NKAIN2: variants seen among roughly 807,000 people sequenced by gnomAD.
NKAIN2 encodes the protein sodium/potassium-transporting ATPase subunit beta-1-interacting protein 2.
NKAIN2 carries 14 observed loss-of-function variants against 32.6 expected under a neutral mutation model. The ratio of observed to expected loss-of-function variants is 0.43; its 90% CI spans 0.28 to 0.67. NKAIN2 has a LOEUF of 0.67. NKAIN2 is among the 30% of genes least tolerant of loss of function. The pLI is 0.17. For missense variants in NKAIN2, 198 were observed against 258.3 expected (o/e 0.77, Z 1.60); for synonymous variants, 80 against 87.2 (o/e 0.92, Z 0.46).
rs534487743 is a variant in NKAIN2 at position 124,156,463 on chromosome 6, A to C, written c.55-126542A>C. ...ACATCTGAAGCAGGAGGAGTCAGTC[A>C]TATAGCCATCTGGGGAAAGAGTGTG... On this transcript the variant is annotated intron_variant, in intron 1 of 6. Coordinates refer to ENST00000368417, the MANE Select transcript of NKAIN2 (RefSeq NM_001040214.3). Among the ~76,000 whole-genome samples, 8 of 152,218 alleles carry C rather than the reference A, an allele frequency of 5.3e-5. No individual in the cohort carries two copies. In the East Asian group the frequency reaches 1.6e-3, roughly 30 times the overall value.
intron 2 of NKAIN2, among the ~76,000 whole-genome samples, chr6:124,316,946 T>C (rs1449532525): frequency 6.6e-6 from 1 of 152,050 alleles, no homozygotes; most frequent in Non-Finnish European, 1.5e-5. Context: ...TTTTCTCTAT[T>C]GGTAGCTATG....
At chr6:124,094,913 A>G (rs1784587681) in intron 1 of NKAIN2, among the ~76,000 whole-genome samples, 2 of 152,154 alleles carry the variant, frequency 1.3e-5, no homozygotes, top group African/African-American at 4.8e-5. Context: ...TTCATTATAT[A>G]TAGCTAGAAT....
intron 1 of NKAIN2, among the ~76,000 whole-genome samples, chr6:124,058,164 G>A (rs1382452828): frequency 4.0e-5 from 6 of 149,364 alleles, no homozygotes; most frequent in African/African-American, 1.5e-4. Flanking sequence ...AGTGACTGTA[G>A]AAATTGAAAG....
At chr6:124,022,524 G>A (rs1037213967) in intron 1 of NKAIN2, among the ~76,000 whole-genome samples, 1 of 152,136 alleles carries the variant, frequency 6.6e-6, no homozygotes, top group African/African-American at 2.4e-5. Context: ...GTGTAAAAGT[G>A]TTCCTATTTC....
At chr6:124,342,349 C>G (rs1180559538) in intron 2 of NKAIN2, among the ~76,000 whole-genome samples, 1 of 148,344 alleles carries the variant, frequency 6.7e-6, no homozygotes, top group Admixed American at 6.7e-5. Flanking sequence ...GCAGAGCTTG[C>G]AGTGAGCCGA....
chr6:124,130,115 C>G (rs185427665), intron 1 of NKAIN2, among the ~76,000 whole-genome samples: 128 of 152,224 alleles, frequency 8.4e-4, no homozygotes, highest in Admixed American at 2.6e-3. Flanking sequence ...GCTTACCCCT[C>G]TAAAGTAGCT....
chr6:124,441,006 A>G (rs1366535764), intron 3 of NKAIN2, among the ~76,000 whole-genome samples: 1 of 152,084 alleles, frequency 6.6e-6, no homozygotes, highest in Non-Finnish European at 1.5e-5. Flanking sequence ...TCACCTGTAC[A>G]TTGTCATCCT....
chr6:124,607,427 G>T (rs968167659), intron 3 of NKAIN2, among the ~76,000 whole-genome samples: 2 of 152,022 alleles, frequency 1.3e-5, no homozygotes, highest in Non-Finnish European at 2.9e-5. Context: ...ACAGCTAGGT[G>T]TCTGCCTTAT....
intron 1 of NKAIN2, among the ~76,000 whole-genome samples, chr6:124,009,560 T>A (rs952314859): frequency 1.3e-5 from 2 of 152,172 alleles, no homozygotes; most frequent in African/African-American, 4.8e-5. Flanking sequence ...CATTGAGAGC[T>A]GCTGAGTGTT....
chr6:124,384,722 G>A (rs1326534963), intron 3 of NKAIN2, among the ~76,000 whole-genome samples: 1 of 152,078 alleles, frequency 6.6e-6, no homozygotes, highest in Non-Finnish European at 1.5e-5. Context: ...AACCTCCTGG[G>A]TTCAAGCGAT....
At chr6:123,824,891 C>T (rs1028587903) in intron 1 of NKAIN2, among the ~76,000 whole-genome samples, 3 of 152,086 alleles carry the variant, frequency 2.0e-5, no homozygotes, top group African/African-American at 7.2e-5. Context: ...ATGTGCTCTG[C>T]TTCAGAAAAA....
intron 2 of NKAIN2, among the ~76,000 whole-genome samples, chr6:124,314,934 A>G (rs1388174778): frequency 2.0e-5 from 3 of 152,184 alleles, no homozygotes; most frequent in Non-Finnish European, 4.4e-5. Flanking sequence ...GGTGCCTAGT[A>G]TCAATATTCA....
intron 1 of NKAIN2, among the ~76,000 whole-genome samples, chr6:124,274,584 G>C (rs2114890385): frequency 6.6e-6 from 1 of 152,156 alleles, no homozygotes; most frequent in East Asian, 1.9e-4. Flanking sequence ...TATGATCTTG[G>C]ACATGTTATG....
intron 1 of NKAIN2, among the ~76,000 whole-genome samples, chr6:124,205,992 T>C (rs1052172971): frequency 4.5e-4 from 69 of 151,888 alleles, no homozygotes; most frequent in Non-Finnish European, 1.3e-4. Flanking sequence ...TTCACTCATC[T>C]CCTGATTTTG....
At chr6:124,225,760 C>T (rs989117784) in intron 1 of NKAIN2, among the ~76,000 whole-genome samples, 2 of 151,782 alleles carry the variant, frequency 1.3e-5, no homozygotes, top group African/African-American at 4.8e-5. Context: ...GTAGAGTTTC[C>T]TTTTCCATTT....
chr6:124,028,823 A>C (rs1268883148), intron 1 of NKAIN2, among the ~76,000 whole-genome samples: 6 of 137,704 alleles, frequency 4.4e-5, no homozygotes, highest in Admixed American at 1.4e-4. Flanking sequence ...GTATATGTGT[A>C]TATATATACA....
intron 1 of NKAIN2, among the ~76,000 whole-genome samples, chr6:124,086,468 G>A (rs546960938): frequency 2.0e-5 from 3 of 151,940 alleles, no homozygotes; most frequent in South Asian, 2.1e-4. Context: ...ATTGATATTT[G>A]TCTCCTCTTT....
chr6:124,564,348 A>C (rs1418064395), intron 3 of NKAIN2, among the ~76,000 whole-genome samples: 1 of 152,174 alleles, frequency 6.6e-6, no homozygotes, highest in African/African-American at 2.4e-5. Flanking sequence ...AACAGTCAGC[A>C]CTCTGTAAAA....
intron 4 of NKAIN2, among the ~76,000 whole-genome samples, chr6:124,669,820 T>G (rs1269561986): frequency 1.3e-5 from 2 of 152,048 alleles, no homozygotes; most frequent in Non-Finnish European, 2.9e-5. Flanking sequence ...CATTTATTTT[T>G]CAACTTTTTC....
Sources: allele counts gnomAD v4.1 joint callset (sites outside exome capture counted in the v4.1 genomes callset), GRCh38; gene constraint gnomAD v4.1.1; transcripts MANE v1.5; gene names NCBI Gene and HGNC (gene_info 2026-07-23, HGNC 2026-07-21).